SRBD1: variants seen among roughly 807,000 people sequenced by gnomAD.
SRBD1 encodes the protein S1 RNA-binding domain-containing protein 1.
SRBD1 carries 88 observed loss-of-function variants against 115.3 expected under a neutral mutation model. The observed-to-expected ratio is 0.76, with a 90% CI of 0.64 to 0.91. SRBD1 has a LOEUF of 0.91. Ranked by LOEUF, SRBD1 falls within the 40% of genes least tolerant of loss-of-function variation. The pLI is 0.00. For synonymous variants in SRBD1, 509 were observed against 407.7 expected (o/e 1.25, Z -2.99); for missense variants, 1,385 against 1,177.4 (o/e 1.18, Z -2.58).
chr2:45,588,103 T>C (rs1301028064), intron 4 of SRBD1, among the ~76,000 whole-genome samples: 5 of 152,190 alleles, frequency 3.3e-5, no homozygotes, highest in Non-Finnish European at 7.4e-5. Context: ...ACTAATGAAA[T>C]AGCTTTTACC....
chr2:45,461,058 C>T (rs1669299249), intron 16 of SRBD1, among the ~76,000 whole-genome samples: 1 of 152,206 alleles, frequency 6.6e-6, no homozygotes, highest in African/African-American at 2.4e-5. Context: ...GACCTCTCTC[C>T]TCTATAGCCT....
At chr2:45,590,675 G>GT (rs1427157555) in intron 4 of SRBD1, among the ~76,000 whole-genome samples, 6 of 152,150 alleles carry the variant, frequency 3.9e-5, no homozygotes, top group Non-Finnish European at 1.5e-5. Context: ...CGCCATGATT[G>GT]TAAGTCTCCT....
intron 14 of SRBD1, among the ~76,000 whole-genome samples, chr2:45,536,571 AGTATTT>A (rs1385580494): frequency 6.6e-6 from 1 of 152,166 alleles, no homozygotes; most frequent in Non-Finnish European, 1.5e-5. Flanking sequence ...TAATAACTAA[AGTATTT>A]GTAAAGTTTT....
intron 14 of SRBD1, among the ~76,000 whole-genome samples, chr2:45,533,810 T>C (rs2103990178): frequency 6.6e-6 from 1 of 152,236 alleles, no homozygotes; most frequent in Non-Finnish European, 1.5e-5. Context: ...CTAAATATAC[T>C]TGTCTAAACA....
At chr2:45,441,244 C>T (rs1395458431) in intron 16 of SRBD1, among the ~76,000 whole-genome samples, 2 of 152,102 alleles carry the variant, frequency 1.3e-5, no homozygotes, top group Admixed American at 6.5e-5. Context: ...ATAACCATGG[C>T]GACAGAGCCC....
At chr2:45,455,667 C>A (rs947297512) in intron 16 of SRBD1, among the ~76,000 whole-genome samples, 1 of 151,774 alleles carries the variant, frequency 6.6e-6, no homozygotes, top group Non-Finnish European at 1.5e-5. Flanking sequence ...AACATTTTCT[C>A]CCTGACACAA....
At chr2:45,549,679 C>T (rs902999320) in intron 12 of SRBD1, among the ~76,000 whole-genome samples, 15 of 135,874 alleles carry the variant, frequency 1.1e-4, no homozygotes, top group Non-Finnish European at 2.0e-4. Context: ...GACGAAACTC[C>T]GTCTCTACTA....
At chr2:45,431,495 A>C (rs1668334879) in intron 16 of SRBD1, among the ~76,000 whole-genome samples, 2 of 152,338 alleles carry the variant, frequency 1.3e-5, no homozygotes, top group South Asian at 4.1e-4. Flanking sequence ...TGAAGCTGGA[A>C]GCCATCATTC....
chr2:45,490,840 G>A (rs937746447), intron 14 of SRBD1, among the ~76,000 whole-genome samples: 6 of 152,100 alleles, frequency 3.9e-5, no homozygotes, highest in African/African-American at 1.4e-4. Flanking sequence ...GTGACACATT[G>A]CACCCAAAGA....
intron 16 of SRBD1, 89 bp from the exon 17 acceptor site, chr2:45,419,983 TA>T (rs1408159442): frequency 8.8e-7 from 1 of 1,142,088 alleles, no homozygotes; most frequent in Non-Finnish European, 1.3e-6. Context: ...GGTGGTTAGC[TA>T]ACACACACCA....
intron 18 of SRBD1, 147 bp from the exon 19 acceptor site, chr2:45,413,440 C>T (rs1324026907): frequency 3.3e-6 from 3 of 917,384 alleles, no homozygotes; most frequent in Non-Finnish European, 4.8e-6. Flanking sequence ...GAAACTACCA[C>T]TTATTTGTTT....
At chr2:45,517,326 T>G (rs1428716126) in intron 14 of SRBD1, among the ~76,000 whole-genome samples, 1 of 152,240 alleles carries the variant, frequency 6.6e-6, no homozygotes, top group East Asian at 1.9e-4. Flanking sequence ...CACATTGCTT[T>G]GTAATATGTT....
intron 10 of SRBD1, among the ~76,000 whole-genome samples, chr2:45,555,156 G>T (rs1165399901): frequency 6.6e-6 from 1 of 152,190 alleles, no homozygotes; most frequent in Non-Finnish European, 1.5e-5. Context: ...CCTTCCAGAG[G>T]CCAAAGTGGG....
intron 16 of SRBD1, among the ~76,000 whole-genome samples, chr2:45,422,558 G>T (rs372844423): frequency 6.6e-6 from 1 of 152,176 alleles, no homozygotes; most frequent in African/African-American, 2.4e-5. Flanking sequence ...ACAATAGAAT[G>T]AACAATGCAG....
At chr2:45,528,047 G>A (rs7564887) in intron 14 of SRBD1, among the ~76,000 whole-genome samples, 43,351 of 151,568 alleles carry the variant, frequency 0.29, 6,429 homozygotes, top group African/African-American at 0.37. Context: ...AAATGGATTT[G>A]TTTTAGCTTA....
chr2:45,581,138 T>C (rs1673350374), intron 6 of SRBD1, among the ~76,000 whole-genome samples: 1 of 152,196 alleles, frequency 6.6e-6, no homozygotes, highest in Non-Finnish European at 1.5e-5. Context: ...GCCAAACTTC[T>C]CTGCTACACA....
chr2:45,522,609 C>A (rs112602057), intron 14 of SRBD1, among the ~76,000 whole-genome samples: 1,776 of 152,234 alleles, frequency 0.012, 41 homozygotes, highest in African/African-American at 0.039. Flanking sequence ...TTGAATCATA[C>A]TAAAATTTTC....
intron 12 of SRBD1, 150 bp downstream of exon 12, chr2:45,550,975 G>T: frequency 1.3e-6 from 1 of 791,200 alleles, no homozygotes; most frequent in Non-Finnish European, 1.9e-6. Flanking sequence ...AATGAAGTTT[G>T]ATTATCTGGT....
rs1350798387 is a variant in SRBD1 at position 45,467,175 on chromosome 2, T to C, written c.2049+9818A>G. ...TGTCAGATGATATTGATGCTGCTAG[T>C]CTACTGACTGTATTTTCAGAACTAG... is the stretch of plus-strand genomic sequence containing the variant. On this transcript the variant is annotated intron_variant, in intron 16 of 20. Transcript: ENST00000263736. Among the ~76,000 whole-genome samples, 3 of 152,294 alleles carry C rather than the reference T, an allele frequency of 2.0e-5. No homozygotes were observed. In the East Asian group the frequency reaches 5.8e-4, roughly 29 times the overall value.
Sources: gnomAD v4.1 joint callset for allele counts (sites outside exome capture counted in the v4.1 genomes callset) on GRCh38, gnomAD v4.1.1 for gene constraint, MANE v1.5 for transcripts, NCBI Gene and HGNC (gene_info 2026-07-23, HGNC 2026-07-21) for gene names.